PCCA: variants seen among roughly 807,000 people sequenced by gnomAD.
PCCA encodes the protein propionyl-CoA carboxylase subunit alpha.
In PCCA, 74 loss-of-function variants were observed where a neutral mutation model predicts 101.3. That is an observed-to-expected ratio of 0.73 (90% CI 0.61 to 0.89). The LOEUF (loss-of-function observed/expected upper bound fraction) is 0.89. Ranked by LOEUF, PCCA falls within the 40% of genes least tolerant of loss-of-function variation. The probability of loss-of-function intolerance (pLI) is 0.00; values close to 1 mark genes in which losing one functional copy is unlikely to be tolerated. For missense variants in PCCA, 891 were observed against 907.0 expected, an observed-to-expected ratio of 0.98 and a Z score of 0.23; for synonymous variants, 294 against 313.6, an observed-to-expected ratio of 0.94 and a Z score of 0.66.
chr13:100,135,220 T>A (rs1476894208), intron 4 of PCCA, among the ~76,000 whole-genome samples: 2 of 151,726 alleles, frequency 1.3e-5, no homozygotes, highest in Non-Finnish European at 2.9e-5. Flanking sequence ...AGCCAGACCC[T>A]GTCTCTACAA....
chr13:100,376,431 T>TG (rs985010333), intron 19 of PCCA, among the ~76,000 whole-genome samples: 5 of 152,266 alleles, frequency 3.3e-5, no homozygotes, highest in African/African-American at 1.2e-4. Flanking sequence ...CGCTTAAGTC[T>TG]GCTGAAGCTG....
At chr13:100,522,170 G>T (rs568271813) in intron 22 of PCCA, among the ~76,000 whole-genome samples, 1 of 152,326 alleles carries the variant, frequency 6.6e-6, no homozygotes, top group African/African-American at 2.4e-5. Flanking sequence ...GGCCTGCGTA[G>T]AAGTGACCCA....
intron 7 of PCCA, among the ~76,000 whole-genome samples, chr13:100,213,105 A>G (rs1453438683): frequency 6.6e-6 from 1 of 152,186 alleles, no homozygotes; most frequent in Non-Finnish European, 1.5e-5. Flanking sequence ...TCCATTGTAT[A>G]TATGTACCAC....
intron 9 of PCCA, among the ~76,000 whole-genome samples, chr13:100,259,329 G>GTTTTTT (rs5806157): frequency 4.6e-5 from 3 of 65,338 alleles, no homozygotes; most frequent in African/African-American, 1.6e-4. Context: ...AAATGTAATG[G>GTTTTTT]TTTTTTTTTT....
intron 20 of PCCA, among the ~76,000 whole-genome samples, chr13:100,439,394 T>C (rs921242476): frequency 6.6e-6 from 1 of 152,166 alleles, no homozygotes; most frequent in Non-Finnish European, 1.5e-5. Flanking sequence ...TGGCATATAA[T>C]TAAAGTGATG....
chr13:100,395,751 C>G (rs191302414), intron 19 of PCCA, among the ~76,000 whole-genome samples: 1 of 152,252 alleles, frequency 6.6e-6, no homozygotes, highest in Non-Finnish European at 1.5e-5. Context: ...CTCTAAAAAT[C>G]TTGGTAGAAA....
intron 18 of PCCA, among the ~76,000 whole-genome samples, chr13:100,363,062 A>T (rs540048554): frequency 6.6e-6 from 1 of 152,082 alleles, no homozygotes; most frequent in Non-Finnish European, 1.5e-5. Context: ...TGTTCATTCT[A>T]TGCTTTTTAT....
intron 7 of PCCA, among the ~76,000 whole-genome samples, chr13:100,212,060 A>G (rs1267061805): frequency 6.6e-6 from 1 of 152,154 alleles, no homozygotes; most frequent in Non-Finnish European, 1.5e-5. Flanking sequence ...TTTCTGACCA[A>G]TCTCAAATGT....
At chr13:100,384,008 A>G (rs2076366301) in intron 19 of PCCA, among the ~76,000 whole-genome samples, 1 of 149,324 alleles carries the variant, frequency 6.7e-6, no homozygotes, top group African/African-American at 2.5e-5. Context: ...TAATATTTAA[A>G]GAGCACTTTG....
intron 4 of PCCA, among the ~76,000 whole-genome samples, chr13:100,144,931 G>A (rs2152352886): frequency 6.6e-6 from 1 of 152,338 alleles, no homozygotes; most frequent in South Asian, 2.1e-4. Flanking sequence ...TGGCTGCAAA[G>A]ATGGGAGCAG....
chr13:100,478,625 T>C (rs2083621458), intron 21 of PCCA, among the ~76,000 whole-genome samples: 1 of 152,156 alleles, frequency 6.6e-6, no homozygotes, highest in Non-Finnish European at 1.5e-5. Flanking sequence ...GGAAATTGCC[T>C]GGTCAGGAGG....
chr13:100,138,130 GCTA>G (rs1286159228), intron 4 of PCCA, among the ~76,000 whole-genome samples: 1 of 151,814 alleles, frequency 6.6e-6, no homozygotes, highest in African/African-American at 2.4e-5. Flanking sequence ...TGGCTTTTGG[GCTA>G]CTGTTTTATT....
intron 7 of PCCA, among the ~76,000 whole-genome samples, chr13:100,221,929 G>A (rs2059839627): frequency 6.6e-6 from 1 of 151,848 alleles, no homozygotes; most frequent in Non-Finnish European, 1.5e-5. Flanking sequence ...TAGAGACAGG[G>A]TTTCGCCATA....
chr13:100,516,848 C>A (rs895987674), intron 22 of PCCA, among the ~76,000 whole-genome samples: 2 of 151,270 alleles, frequency 1.3e-5, no homozygotes, highest in Non-Finnish European at 2.9e-5. Flanking sequence ...CATTAAGAAT[C>A]GTTCACTTGC....
intron 21 of PCCA, among the ~76,000 whole-genome samples, chr13:100,499,741 C>T (rs148418677): frequency 2.0e-5 from 3 of 152,364 alleles, no homozygotes; most frequent in African/African-American, 7.2e-5. Flanking sequence ...GTGAACTTTG[C>T]ATACATCTGA....
At chr13:100,282,331 G>A (rs1361174329) in intron 12 of PCCA, among the ~76,000 whole-genome samples, 1 of 152,274 alleles carries the variant, frequency 6.6e-6, no homozygotes, top group Non-Finnish European at 1.5e-5. Context: ...CTCTGCCTGG[G>A]CTCCAACTTT....
chr13:100,483,110 T>TA (rs1251818744), intron 21 of PCCA, among the ~76,000 whole-genome samples: 2 of 152,018 alleles, frequency 1.3e-5, no homozygotes, highest in East Asian at 3.8e-4. Flanking sequence ...ATTCATCACT[T>TA]AAAAAAGGAA....
chr13:100,526,437 C>T (rs906905424), intron 22 of PCCA, among the ~76,000 whole-genome samples: 2 of 152,230 alleles, frequency 1.3e-5, no homozygotes, highest in African/African-American at 2.4e-5. Flanking sequence ...CAGCCCACCA[C>T]CTGAACAGCA....
intron 2 of PCCA, among the ~76,000 whole-genome samples, chr13:100,103,668 C>T (rs1424687386): frequency 6.6e-6 from 1 of 151,624 alleles, no homozygotes; most frequent in Non-Finnish European, 1.5e-5. Context: ...TGGAGTCTTG[C>T]TCTTTTGCCC....
Sources: allele counts gnomAD v4.1 joint callset (sites outside exome capture counted in the v4.1 genomes callset), GRCh38; gene constraint gnomAD v4.1.1; transcripts MANE v1.5; gene names NCBI Gene and HGNC (gene_info 2026-07-23, HGNC 2026-07-21).